The following PCYT1B variants were observed in gnomAD, a reference collection of about 807,000 sequenced individuals.
The protein encoded by PCYT1B is phosphate cytidylyltransferase 1B, choline.
In PCYT1B, 10 loss-of-function variants were observed where a neutral mutation model predicts 26.4. That is an observed-to-expected ratio of 0.38 (90% CI 0.23 to 0.64). The LOEUF (loss-of-function observed/expected upper bound fraction) is 0.64. Ranked by LOEUF, PCYT1B falls within the 30% of genes least tolerant of loss-of-function variation. PCYT1B has a pLI of 0.56. For synonymous variants in PCYT1B, 131 were observed against 108.4 expected (o/e 1.21, Z -1.29); for missense variants, 161 against 292.7 (o/e 0.55, Z 3.28).
chrX:24,564,266 C>T, intron 7 of PCYT1B, among the ~76,000 whole-genome samples: 1 of 111,530 alleles, frequency 9.0e-6, no homozygotes, highest in Admixed American at 9.4e-5. Flanking sequence ...TGGCAGGATT[C>T]CTAGTATATT....
At chrX:24,617,379 T>TG (rs1555960815) in intron 2 of PCYT1B, among the ~76,000 whole-genome samples, 2 of 106,401 alleles carry the variant, frequency 1.9e-5, no homozygotes, top group Non-Finnish European at 3.9e-5. Context: ...TTGTTTTTTT[T>TG]TTTGTTTGTT....
upstream of PCYT1B, among the ~76,000 whole-genome samples, chrX:24,651,472 A>AAAATATAT (rs1555965467): frequency 1.3e-3 from 35 of 26,023 alleles, no homozygotes; most frequent in Non-Finnish European, 2.0e-3. Context: ...AAAAAAAAAA[A>AAAATATAT]ATATATATAT....
At chrX:24,603,566 C>A (rs1159200389) in intron 3 of PCYT1B, among the ~76,000 whole-genome samples, 12 of 110,257 alleles carry the variant, frequency 1.1e-4, no homozygotes. Context: ...TAAACAAAAA[C>A]AGAAAAATTA....
At chrX:24,630,843 A>T (rs1179905295) in intron 1 of PCYT1B, among the ~76,000 whole-genome samples, 1 of 112,415 alleles carries the variant, frequency 8.9e-6, no homozygotes, top group Non-Finnish European at 1.9e-5. Context: ...CTTAAAGGGT[A>T]TGATGGGTAA....
intron 1 of PCYT1B, among the ~76,000 whole-genome samples, chrX:24,639,287 G>A (rs931572830): frequency 6.2e-5 from 7 of 112,388 alleles, no homozygotes; most frequent in Non-Finnish European, 1.1e-4. Flanking sequence ...AGAGGAAAGT[G>A]ATTTGCTTAA....
At chrX:24,633,433 G>A (rs947815499) in intron 1 of PCYT1B, among the ~76,000 whole-genome samples, 3 of 110,273 alleles carry the variant, frequency 2.7e-5, no homozygotes, top group African/African-American at 6.6e-5. Flanking sequence ...CAGCACTTTG[G>A]GAGGCCGAGG....
At chrX:24,666,118 T>C (rs1231306034) in intron 1 of PCYT1B, among the ~76,000 whole-genome samples, 1 of 111,451 alleles carries the variant, frequency 9.0e-6, no homozygotes, top group Non-Finnish European at 1.9e-5. Context: ...CCATCCAACA[T>C]TGATCCATGT....
intron 1 of PCYT1B, among the ~76,000 whole-genome samples, chrX:24,641,313 T>C (rs1926459728): frequency 8.9e-6 from 1 of 112,133 alleles, no homozygotes; most frequent in African/African-American, 3.2e-5. Context: ...GTGTTTCCCA[T>C]ATCCATCTAG....
intron 1 of PCYT1B, among the ~76,000 whole-genome samples, chrX:24,631,859 G>A (rs1193654272): frequency 3.6e-5 from 4 of 111,185 alleles, no homozygotes; most frequent in Non-Finnish European, 7.6e-5. Flanking sequence ...CAGCTACTCG[G>A]GAGGGGGAGG....
chrX:24,597,888 T>G (rs972990896), intron 3 of PCYT1B, among the ~76,000 whole-genome samples: 2 of 112,385 alleles, frequency 1.8e-5, no homozygotes, highest in African/African-American at 6.5e-5. Context: ...TGGAAAGAAA[T>G]AGTGAATTCT....
chrX:24,615,509 G>A (rs1439472157), intron 2 of PCYT1B, among the ~76,000 whole-genome samples: 1 of 108,348 alleles, frequency 9.2e-6, no homozygotes, highest in Non-Finnish European at 1.9e-5. Flanking sequence ...TTGTCGCCCA[G>A]GCTGGAGTGC....
At chrX:24,628,997 G>C (rs1015807499) in intron 1 of PCYT1B, among the ~76,000 whole-genome samples, 1 of 111,560 alleles carries the variant, frequency 9.0e-6, no homozygotes, top group Admixed American at 9.6e-5. Context: ...ACATTACAAC[G>C]TATGAAAGCA....
intron 3 of PCYT1B, among the ~76,000 whole-genome samples, chrX:24,599,968 C>T (rs757655205): frequency 5.4e-5 from 6 of 110,834 alleles, no homozygotes; most frequent in African/African-American, 1.6e-4. Context: ...AGTCCAGTGG[C>T]GCAATCTCAG....
At chrX:24,615,311 A>G (rs932433609) in intron 2 of PCYT1B, among the ~76,000 whole-genome samples, 2 of 111,254 alleles carry the variant, frequency 1.8e-5, no homozygotes, top group Admixed American at 1.9e-4. Flanking sequence ...GTATTATTTC[A>G]AAATACACCA....
chrX:24,619,969 CCA>C (rs1925649514), intron 1 of PCYT1B, among the ~76,000 whole-genome samples: 1 of 112,806 alleles, frequency 8.9e-6, no homozygotes, highest in South Asian at 3.6e-4. Context: ...CCAGAGTTGT[CCA>C]TTTGTAGTCT....
chrX:24,659,740 G>A (rs1300380531), intron 1 of PCYT1B, among the ~76,000 whole-genome samples: 2 of 111,509 alleles, frequency 1.8e-5, no homozygotes, highest in African/African-American at 6.5e-5. Flanking sequence ...GAGAAGGCAA[G>A]AGCAAGGAAG....
rs184839731 is a variant in PCYT1B, at chrX:24,560,461, G to T, written c.*1832C>A. On this transcript the variant is annotated 3_prime_UTR_variant, in exon 8 of 8. Coordinates refer to ENST00000379144, the MANE Select transcript of PCYT1B (RefSeq NM_004845.5). ...AAGAGCAATATTCTGGGTGGCCCTT[G>T]ACTGCAAAAAGAAGTTTTCTTCTTC... The T allele has an allele frequency of 8.9e-6, 1 of 111,958 alleles. No homozygotes were observed. Among genetic ancestry groups the T allele is most frequent in the East Asian group, 2.8e-4 (1 of 3,543 alleles). The allele number at this position is 111,958 out of a possible 1,213,427, so 9.2% of individuals were successfully genotyped here. A position where few individuals can be genotyped will look rare whatever the true frequency, so the allele number is the denominator to read the frequency against.
At chrX:24,664,360 T>C (rs963475372) in intron 1 of PCYT1B, among the ~76,000 whole-genome samples, 2 of 111,899 alleles carry the variant, frequency 1.8e-5, no homozygotes, top group Non-Finnish European at 3.8e-5. Context: ...AAATTCGAAA[T>C]GTGATTACTC....
At chrX:24,628,503 A>G (rs1189488367) in intron 1 of PCYT1B, among the ~76,000 whole-genome samples, 3 of 111,641 alleles carry the variant, frequency 2.7e-5, no homozygotes, top group Non-Finnish European at 5.6e-5. Flanking sequence ...ATATTATAGA[A>G]AATTTGGGAA....
Sources: gnomAD v4.1 joint callset for allele counts (sites outside exome capture counted in the v4.1 genomes callset) on GRCh38, gnomAD v4.1.1 for gene constraint, MANE v1.5 for transcripts, NCBI Gene and HGNC (gene_info 2026-07-23, HGNC 2026-07-21) for gene names.